Variants in ERBB4 observed in about 807,000 individuals in gnomAD.
ERBB4 encodes the protein receptor tyrosine-protein kinase erbB-4.
A neutral mutation model predicts 158.0 loss-of-function variants in ERBB4; 42 were observed. That is an observed-to-expected ratio of 0.27 (90% CI 0.21 to 0.34). The LOEUF (loss-of-function observed/expected upper bound fraction) is 0.34. ERBB4 is among the 10% of genes least tolerant of loss of function. ERBB4 has a pLI of 1.00. For missense variants in ERBB4, 1,333 were observed against 1,624.1 expected (o/e 0.82, Z 3.08); for synonymous variants, 583 against 558.7 (o/e 1.04, Z -0.61).
chr2:211,877,144 C>T (rs932312446), intron 3 of ERBB4, among the ~76,000 whole-genome samples: 4 of 152,236 alleles, frequency 2.6e-5, no homozygotes, highest in Admixed American at 1.3e-4. Context: ...ACTCTTAGGA[C>T]GAGTACATTT....
At chr2:211,738,183 G>A (rs2106173369) in intron 5 of ERBB4, among the ~76,000 whole-genome samples, 1 of 151,866 alleles carries the variant, frequency 6.6e-6, no homozygotes, top group Non-Finnish European at 1.5e-5. Context: ...TTTCTTACTA[G>A]GAGTTATCTG....
At chr2:211,565,961 T>C (rs2067533079) in intron 19 of ERBB4, among the ~76,000 whole-genome samples, 1 of 152,212 alleles carries the variant, frequency 6.6e-6, no homozygotes, top group Non-Finnish European at 1.5e-5. Context: ...CTTCCCTAGC[T>C]GCCCCAGGGA....
At chr2:211,803,909 A>G (rs543382373) in intron 3 of ERBB4, among the ~76,000 whole-genome samples, 1 of 152,342 alleles carries the variant, frequency 6.6e-6, no homozygotes, top group South Asian at 2.1e-4. Context: ...AGAGTAAAGA[A>G]AAGTGCAGAA....
intron 25 of ERBB4, among the ~76,000 whole-genome samples, chr2:211,397,158 T>G (rs2062937722): frequency 6.6e-6 from 1 of 151,940 alleles, no homozygotes; most frequent in South Asian, 2.1e-4. Flanking sequence ...GAGAGCTACC[T>G]GTTGACCATA....
chr2:211,920,604 T>C (rs910225400), intron 3 of ERBB4, among the ~76,000 whole-genome samples: 1 of 151,916 alleles, frequency 6.6e-6, no homozygotes, highest in African/African-American at 2.4e-5. Context: ...GCCAATATAC[T>C]ACACAGAACT....
chr2:211,559,739 C>T (rs1654741377), intron 20 of ERBB4, among the ~76,000 whole-genome samples: 1 of 152,124 alleles, frequency 6.6e-6, no homozygotes. Context: ...CAGAGAGAAC[C>T]AGGCTCGTAT....
chr2:211,741,043 G>A (rs1182449083), intron 5 of ERBB4, among the ~76,000 whole-genome samples: 1 of 152,242 alleles, frequency 6.6e-6, no homozygotes, highest in East Asian at 1.9e-4. Flanking sequence ...AGAGTGGTAT[G>A]TAAGTGCTTG....
intron 20 of ERBB4, among the ~76,000 whole-genome samples, chr2:211,521,374 T>C (rs1372961125): frequency 6.6e-6 from 1 of 152,128 alleles, no homozygotes; most frequent in Admixed American, 6.5e-5. Flanking sequence ...GCCTAATCAA[T>C]AGCAAGGCCT....
At chr2:211,792,499 T>C (rs1339725807) in intron 3 of ERBB4, among the ~76,000 whole-genome samples, 8 of 151,824 alleles carry the variant, frequency 5.3e-5, no homozygotes, top group South Asian at 2.1e-4. Flanking sequence ...TTGATATTTA[T>C]AAGGCATTTT....
At chr2:211,749,307 C>A (rs1193414136) in intron 5 of ERBB4, among the ~76,000 whole-genome samples, 1 of 152,180 alleles carries the variant, frequency 6.6e-6, no homozygotes, top group Non-Finnish European at 1.5e-5. Flanking sequence ...GAAATTAATA[C>A]TACAAATAAT....
chr2:212,046,679 G>C (rs1292030923), intron 2 of ERBB4, among the ~76,000 whole-genome samples: 1 of 152,132 alleles, frequency 6.6e-6, no homozygotes, highest in African/African-American at 2.4e-5. Flanking sequence ...CATTGCAATG[G>C]AGTGGGAAAT....
intron 1 of ERBB4, among the ~76,000 whole-genome samples, chr2:212,223,976 T>C (rs1262701669): frequency 2.0e-5 from 3 of 151,858 alleles, no homozygotes; most frequent in Admixed American, 1.3e-4. Flanking sequence ...ACATCTGTAA[T>C]AGATTGCAAA....
intron 2 of ERBB4, among the ~76,000 whole-genome samples, chr2:212,001,681 C>G (rs1399660402): frequency 6.6e-6 from 1 of 152,160 alleles, no homozygotes; most frequent in Non-Finnish European, 1.5e-5. Flanking sequence ...TGACAGATCT[C>G]AGTCCAGCAG....
chr2:211,655,893 G>C (rs2071197167), intron 16 of ERBB4, among the ~76,000 whole-genome samples: 1 of 152,130 alleles, frequency 6.6e-6, no homozygotes, highest in South Asian at 2.1e-4. Flanking sequence ...TCTAGCACAT[G>C]CTTCGCTTTC....
In ERBB4 at chr2:212,008,518, A is replaced by T. The variant is rs187984969; in HGVS notation, c.235-60902T>A. ...TTGTTGAATAAATGAATGAACAAAT[A>T]CAAAAATTTTGAAAGCGCTGCACAT... On this transcript the variant is annotated intron_variant, in intron 2 of 27. Transcript: ENST00000342788. 6.2e-4 allele frequency among the ~76,000 whole-genome samples: 94 copies of T among 152,258 alleles called. No homozygotes were observed. The East Asian group carries it at 0.017, about 28-fold the overall frequency.
At chr2:211,435,891 T>G (rs1232091790) in intron 20 of ERBB4, among the ~76,000 whole-genome samples, 3 of 152,208 alleles carry the variant, frequency 2.0e-5, no homozygotes, top group African/African-American at 7.2e-5. Context: ...ATCTTCTCTC[T>G]TAATGGGTCA....
chr2:211,852,717 ATGGCCTACATTTATTTAG>A (rs1417508826), intron 3 of ERBB4, among the ~76,000 whole-genome samples: 1 of 145,936 alleles, frequency 6.9e-6, no homozygotes, highest in Non-Finnish European at 1.5e-5. Flanking sequence ...TTTTTTCCTA[ATGGCCTACATTTATTTAG>A]TTTGTCTAAA....
chr2:211,869,464 T>C (rs540929522), intron 3 of ERBB4, among the ~76,000 whole-genome samples: 4 of 152,216 alleles, frequency 2.6e-5, no homozygotes, highest in Non-Finnish European at 5.9e-5. Context: ...AGTTACATAG[T>C]TGATATAGCA....
chr2:212,270,816 T>C (rs1381671097), intron 1 of ERBB4, among the ~76,000 whole-genome samples: 1 of 151,726 alleles, frequency 6.6e-6, no homozygotes, highest in South Asian at 2.1e-4. Context: ...GAGGGAGCTA[T>C]TGGGAGAGGA....
Sources: allele counts gnomAD v4.1 joint callset (sites outside exome capture counted in the v4.1 genomes callset), GRCh38; gene constraint gnomAD v4.1.1; transcripts MANE v1.5; gene names NCBI Gene and HGNC (gene_info 2026-07-23, HGNC 2026-07-21).